The following MEIS2 variants were observed in gnomAD, a reference collection of about 807,000 sequenced individuals.
MEIS2 encodes homeobox protein Meis2.
MEIS2 carries 9 observed loss-of-function variants against 58.6 expected under a neutral mutation model. The observed-to-expected ratio is 0.15, with a 90% CI of 0.09 to 0.27. MEIS2 has a LOEUF of 0.27. Ranked by LOEUF, MEIS2 falls within the 10% of genes least tolerant of loss-of-function variation. MEIS2 has a pLI of 1.00. For synonymous variants in MEIS2, 221 were observed against 228.4 expected (o/e 0.97, Z 0.29); for missense variants, 427 against 635.0 (o/e 0.67, Z 3.52).
intron 10 of MEIS2, among the ~76,000 whole-genome samples, chr15:36,896,154 T>TA (rs1458895736): frequency 6.6e-6 from 1 of 152,176 alleles, no homozygotes; most frequent in Non-Finnish European, 1.5e-5. Flanking sequence ...TATTCTTTAA[T>TA]AAAAAATAAT....
intron 7 of MEIS2, among the ~76,000 whole-genome samples, chr15:37,059,952 AC>A (rs1263495247): frequency 6.6e-6 from 1 of 152,056 alleles, no homozygotes; most frequent in Non-Finnish European, 1.5e-5. Flanking sequence ...TTTTTTAGAA[AC>A]AGGGTCTCAC....
rs1210562771 is a variant in MEIS2, at chr15:36,971,536, TTAAAA to T, written c.901-21141_901-21137del. On this transcript the variant is annotated intron_variant, in intron 8 of 11. Transcript: ENST00000561208. ...TGTATTACTTGTATGCCTTGTTACATTAAAAAAAAAAAAAAAAAAAAAAAAAAAGG... is the reference window on the plus strand; with the variant it reads ...TGTATTACTTGTATGCCTTGTTACATAAAAAAAAAAAAAAAAAAAAAAAGG... 4.5e-3 allele frequency among the ~76,000 whole-genome samples: 296 copies of T among 65,414 alleles called. 1 individual carries two copies. Among genetic ancestry groups the T allele is most frequent in the East Asian group, 8.4e-3 (22 of 2,616 alleles). 42.9% of individuals were successfully genotyped at this position (65,414 alleles called of 152,430 possible). A position where few individuals can be genotyped will look rare whatever the true frequency, so the allele number is the denominator to read the frequency against.
At chr15:36,958,022 G>A (rs2059048680) in intron 8 of MEIS2, among the ~76,000 whole-genome samples, 1 of 152,208 alleles carries the variant, frequency 6.6e-6, no homozygotes, top group Non-Finnish European at 1.5e-5. Flanking sequence ...AATGGCAGAT[G>A]TATATTTGGG....
chr15:37,078,340 G>A (rs999673753), intron 7 of MEIS2, among the ~76,000 whole-genome samples: 1 of 151,002 alleles, frequency 6.6e-6, no homozygotes, highest in African/African-American at 2.4e-5. Context: ...CCACTGTCAA[G>A]CTTTTCTTTC....
intron 9 of MEIS2, among the ~76,000 whole-genome samples, chr15:36,931,854 G>C (rs1363252330): frequency 6.6e-6 from 1 of 152,138 alleles, no homozygotes; most frequent in East Asian, 1.9e-4. Flanking sequence ...TATTCTTAAA[G>C]TTATTACACC....
intron 7 of MEIS2, among the ~76,000 whole-genome samples, chr15:37,074,110 T>C (rs529756820): frequency 3.3e-5 from 5 of 152,038 alleles, no homozygotes; most frequent in Non-Finnish European, 5.9e-5. Context: ...TTGTGAAGTA[T>C]AGAAAATTCC....
At chr15:36,915,371 C>T (rs1198967722) in intron 9 of MEIS2, among the ~76,000 whole-genome samples, 3 of 152,194 alleles carry the variant, frequency 2.0e-5, no homozygotes, top group Non-Finnish European at 4.4e-5. Context: ...GGGAAGCTCT[C>T]TACCTTGCTG....
intron 6 of MEIS2, among the ~76,000 whole-genome samples, chr15:37,085,495 T>A (rs1892778468): frequency 6.6e-6 from 1 of 152,190 alleles, no homozygotes. Context: ...CCCCTACAGA[T>A]CTGCAGCAAA....
chr15:37,095,596 G>C lies in MEIS2; in HGVS notation c.406C>G (p.Leu136Val). Reference protein sequence around the residue: ...FAKQVRAEKPLFSSNPELDNL... With the variant: ...FAKQVRAEKPVFSSNPELDNL... ...TCCAGCTCTGGATTTGAGGAAAAAAGTGGCTTTTCGGCGCGAACCTGTAAG... is the reference window on the plus strand; with the variant it reads ...TCCAGCTCTGGATTTGAGGAAAAAACTGGCTTTTCGGCGCGAACCTGTAAG... Residue 136 changes from leucine (L) to valine (V), a missense_variant, in exon 4 of 12, where the codon CTT becomes GTT. By Grantham distance (32) the Leu-to-Val change is conservative (BLOSUM62 1). Around this residue, in one of 6 missense-constraint regions of MEIS2, gnomAD observed 138 missense variants for 263.0 expected, o/e 0.52. Coordinates refer to ENST00000561208, the MANE Select transcript of MEIS2 (RefSeq NM_170675.5). The C allele has an allele frequency of 6.2e-7, 1 of 1,614,202 alleles. No homozygotes were observed. The highest frequency in any genetic ancestry group is 8.5e-7 in the Non-Finnish European group (1 of 1,180,034).
At chr15:37,096,927 G>A (rs1894331349) in intron 2 of MEIS2, among the ~76,000 whole-genome samples, 1 of 152,184 alleles carries the variant, frequency 6.6e-6, no homozygotes, top group African/African-American at 2.4e-5. Flanking sequence ...ACACCGGAGT[G>A]ACACTTCATA....
intron 9 of MEIS2, among the ~76,000 whole-genome samples, chr15:36,910,164 C>G (rs1020245503): frequency 8.5e-5 from 13 of 152,050 alleles, no homozygotes; most frequent in Admixed American, 6.6e-4. Flanking sequence ...CGAGATGGTG[C>G]CACTCCACTC....
At chr15:37,027,932 T>C (rs924352934) in intron 8 of MEIS2, among the ~76,000 whole-genome samples, 3 of 152,140 alleles carry the variant, frequency 2.0e-5, no homozygotes, top group East Asian at 1.9e-4. Flanking sequence ...TGAACCTACA[T>C]TGACACATCA....
intron 8 of MEIS2, among the ~76,000 whole-genome samples, chr15:36,995,714 A>G (rs2060454994): frequency 2.2e-5 from 1 of 44,568 alleles, no homozygotes; most frequent in Non-Finnish European, 5.0e-5. Context: ...ACTAAAAAAA[A>G]AAAAAAAAAA....
At chr15:37,052,283 C>T (rs1166973304) in intron 7 of MEIS2, among the ~76,000 whole-genome samples, 2 of 152,326 alleles carry the variant, frequency 1.3e-5, no homozygotes, top group East Asian at 3.9e-4. Context: ...CATTTGTGGA[C>T]TGTCTACTAC....
chr15:36,902,458 CTGTA>C (rs2056527640), intron 9 of MEIS2, among the ~76,000 whole-genome samples: 1 of 152,232 alleles, frequency 6.6e-6, no homozygotes, highest in African/African-American at 2.4e-5. Flanking sequence ...ATCACACTCT[CTGTA>C]TGGTTCTCTA....
At chr15:37,016,431 A>G (rs115821017) in intron 8 of MEIS2, among the ~76,000 whole-genome samples, 11 of 152,066 alleles carry the variant, frequency 7.2e-5, no homozygotes, top group African/African-American at 2.2e-4. Context: ...GAGCCACTCA[A>G]TGAGATGTTA....
intron 9 of MEIS2, among the ~76,000 whole-genome samples, chr15:36,909,839 A>AGT (rs1316592345): frequency 1.6e-5 from 1 of 64,250 alleles, no homozygotes; most frequent in Non-Finnish European, 2.8e-5. Context: ...AGGTGTTATG[A>AGT]GTGTGTGTGT....
At position 37,082,652 on chromosome 15, in the gene MEIS2, C is replaced by T. The variant is rs189855606; in HGVS notation, c.754+1119G>A. On this transcript the variant is annotated intron_variant, in intron 7 of 11. Transcript: ENST00000561208. ...AAGTTGCAAGTTCTTCCATAATTTG[C>T]CGTCTGATATGATTCATCGCTGTGT... 2.9e-3 allele frequency among the ~76,000 whole-genome samples: 439 copies of T among 152,168 alleles called. 2 individuals carry two copies. Among genetic ancestry groups the T allele is most frequent in the Admixed American group, 7.0e-3 (107 of 15,298 alleles).
intron 6 of MEIS2, among the ~76,000 whole-genome samples, chr15:37,087,742 C>T (rs1893059414): frequency 6.6e-6 from 1 of 151,962 alleles, no homozygotes; most frequent in African/African-American, 2.4e-5. Context: ...GGAATTGTAA[C>T]ATTTTAAACC....
Sources: allele counts gnomAD v4.1 joint callset (sites outside exome capture counted in the v4.1 genomes callset), GRCh38; gene constraint gnomAD v4.1.1; regional missense constraint gnomAD v4.1.1; transcripts MANE v1.5; gene names NCBI Gene and HGNC (gene_info 2026-07-23, HGNC 2026-07-21).